SYNE1: variants seen among roughly 807,000 people sequenced by gnomAD.
SYNE1 encodes nesprin-1.
In SYNE1, 616 loss-of-function variants were observed where a neutral mutation model predicts 1,111.0. That is an observed-to-expected ratio of 0.55 (90% CI 0.52 to 0.59). SYNE1 has a LOEUF of 0.59. Ranked by LOEUF, SYNE1 falls within the 20% of genes least tolerant of loss-of-function variation. SYNE1 has a pLI of 0.00. For missense variants in SYNE1, 10,006 were observed against 10,417.0 expected, an observed-to-expected ratio of 0.96 and a Z score of 1.72; for synonymous variants, 3,855 against 3,825.8, an observed-to-expected ratio of 1.01 and a Z score of -0.28.
intron 119 of SYNE1, among the ~76,000 whole-genome samples, chr6:152,220,438 G>A (rs1048141493): frequency 6.6e-6 from 1 of 152,172 alleles, no homozygotes; most frequent in African/African-American, 2.4e-5. Context: ...TATCTTAGAT[G>A]AAACTATTGT....
chr6:152,339,241 CGTTTGCTCT>C lies in SYNE1; in HGVS notation c.12342_12350del (p.Glu4115_Thr4117del), dbSNP rs749906433. ...TCAATGTGATTTTTCATTTTCTTAC[CGTTTGCTCT>C]GTTTGTTGAATGTCTTTTGCTGTGG... is the stretch of plus-strand genomic sequence containing the variant. On this transcript the variant is annotated inframe_deletion and splice_region_variant, in exon 75 of 146. Coordinates refer to ENST00000367255, the MANE Select transcript of SYNE1 (RefSeq NM_182961.4). 22 of 1,613,340 alleles carry C rather than the reference CGTTTGCTCT, an allele frequency of 1.4e-5. No homozygotes were observed. Among genetic ancestry groups the C allele is most frequent in the African/African-American group, 8.0e-5 (6 of 75,014 alleles).
intron 66 of SYNE1, 83 bp from the exon 67 acceptor site, chr6:152,355,059 G>T (rs548635206): frequency 1.3e-6 from 2 of 1,482,788 alleles, no homozygotes; most frequent in South Asian, 1.1e-5. Context: ...AGCCAACTGT[G>T]CCCACTTGAA....
At position 152,349,601 on chromosome 6, in the gene SYNE1, C is replaced by T. The variant is rs144657701; in HGVS notation, c.11901+567G>A. Among the ~76,000 whole-genome samples the T allele has an allele frequency of 3.1e-3, 472 of 152,256 alleles. 4 individuals carry two copies. Among genetic ancestry groups the T allele is most frequent in the African/African-American group, 0.011 (443 of 41,536 alleles). Reference sequence around the variant, plus strand: ...CAGCAATGTGTTCAGAAGTTCAACGCGAGGATTCAACTCTTCTTGATTCAC... The same window carrying T: ...CAGCAATGTGTTCAGAAGTTCAACGTGAGGATTCAACTCTTCTTGATTCAC... On this transcript the variant is annotated intron_variant, in intron 72 of 145. Coordinates refer to ENST00000367255, the MANE Select transcript of SYNE1 (RefSeq NM_182961.4).
chr6:152,162,678 G>GT (rs1041385844), intron 131 of SYNE1, among the ~76,000 whole-genome samples: 50 of 152,094 alleles, frequency 3.3e-4, no homozygotes, highest in African/African-American at 3.1e-4. Flanking sequence ...CTTGCTAACA[G>GT]TTTTTTTAAA....
chr6:152,127,142 G>A (rs1163985814), intron 145 of SYNE1: 2 of 152,088 alleles, frequency 1.3e-5, no homozygotes, highest in Non-Finnish European at 2.9e-5. Context: ...TAAACTACCT[G>A]AGGCAGCCTG....
At position 152,197,112 on chromosome 6, in the gene SYNE1, G is replaced by A. The variant is rs9478300; in HGVS notation, c.23145+4712C>T. ...CTCGATATGCACAGATGCTCTCTCC[G>A]TGCCATGTGGCTGCTGCTGGGGCAC... On this transcript the variant is annotated intron_variant, in intron 127 of 145. Transcript: ENST00000367255. 9.3e-3 allele frequency among the ~76,000 whole-genome samples: 1,417 copies of A among 152,276 alleles called. 25 individuals carry two copies. Among genetic ancestry groups the A allele is most frequent in the African/African-American group, 0.032 (1,332 of 41,546 alleles).
At chr6:152,558,673 G>A (rs551429567) in intron 3 of SYNE1, among the ~76,000 whole-genome samples, 22 of 151,954 alleles carry the variant, frequency 1.4e-4, no homozygotes, top group South Asian at 4.1e-4. Flanking sequence ...ACCCAACATC[G>A]GAGCACCTAA....
At chr6:152,373,528 C>T (rs962296363) in intron 58 of SYNE1, among the ~76,000 whole-genome samples, 3 of 152,116 alleles carry the variant, frequency 2.0e-5, no homozygotes, top group African/African-American at 7.2e-5. Flanking sequence ...GATCTGCCCA[C>T]CTTGGCATCC....
intron 2 of SYNE1, among the ~76,000 whole-genome samples, chr6:152,633,010 T>A (rs1406591107): frequency 6.6e-6 from 1 of 152,168 alleles, no homozygotes; most frequent in Non-Finnish European, 1.5e-5. Context: ...TGCAAGGTCA[T>A]GAGATCCTCC....
chr6:152,429,348 A>G (rs1208733820), intron 36 of SYNE1, among the ~76,000 whole-genome samples: 1 of 152,166 alleles, frequency 6.6e-6, no homozygotes, highest in Non-Finnish European at 1.5e-5. Flanking sequence ...CTATAAAAAT[A>G]ATTTCATCAC....
intron 49 of SYNE1, among the ~76,000 whole-genome samples, chr6:152,398,142 G>C (rs981792307): frequency 6.6e-6 from 1 of 152,020 alleles, no homozygotes; most frequent in Admixed American, 6.6e-5. Flanking sequence ...CTTCACCATG[G>C]CCTTCTCCTT....
At chr6:152,503,646 T>C (rs751683105) in intron 9 of SYNE1, among the ~76,000 whole-genome samples, 43 of 152,314 alleles carry the variant, frequency 2.8e-4, no homozygotes, top group Admixed American at 2.0e-3. Context: ...AAAAGTTCTT[T>C]TTGATTAGAG....
chr6:152,224,419 A>T lies in SYNE1; in HGVS notation c.21522+75T>A, dbSNP rs537630063. 3.0e-5 allele frequency: 37 copies of T among 1,254,034 alleles called. No homozygotes were observed. In the East Asian group the frequency reaches 7.7e-4, roughly 26 times the overall value. 77.7% of individuals were successfully genotyped at this position (1,254,034 alleles called of 1,614,324 possible). A position where few individuals can be genotyped will look rare whatever the true frequency, so the allele number is the denominator to read the frequency against. ...CAACATATGGCAATATTTCAGGATGATGTCTCCATTTGGTAATTTTTCAGT... is the reference window on the plus strand; with the variant it reads ...CAACATATGGCAATATTTCAGGATGTTGTCTCCATTTGGTAATTTTTCAGT... On this transcript the variant is annotated intron_variant, in intron 117 of 145. Transcript: ENST00000367255.
chr6:152,254,215 T>TTTCTATATTCCA (rs2090246406), intron 104 of SYNE1, among the ~76,000 whole-genome samples: 1 of 151,164 alleles, frequency 6.6e-6, no homozygotes, highest in African/African-American at 2.4e-5. Flanking sequence ...TCTATGGCCC[T>TTTCTATATTCCA]TTCTATATTC....
chr6:152,451,635 C>A (rs1489535286), intron 25 of SYNE1, among the ~76,000 whole-genome samples: 1 of 151,746 alleles, frequency 6.6e-6, no homozygotes, highest in African/African-American at 2.4e-5. Context: ...GGCAGCACCA[C>A]CATGCCCAGC....
At position 152,555,424 on chromosome 6, in the gene SYNE1, T is replaced by C. The variant is rs1218988709; in HGVS notation, c.68-15403A>G. On this transcript the variant is annotated intron_variant, in intron 3 of 145. Transcript: ENST00000367255. ...TACAGTGTTCAGTACAGTAAAATGC[T>C]ATTCAGGTTGATAGCCTAGGAGTAA... Among the ~76,000 whole-genome samples the C allele has an allele frequency of 2.6e-5, 4 of 152,226 alleles. No homozygotes were observed. The East Asian group carries it at 5.8e-4, about 22-fold the overall frequency.
chr6:152,277,696 A>G, intron 98 of SYNE1: 1 of 238,994 alleles, frequency 4.2e-6, no homozygotes, highest in South Asian at 6.0e-5. Flanking sequence ...ATGAATGTAA[A>G]AGAAAAAAAG....
intron 3 of SYNE1, among the ~76,000 whole-genome samples, chr6:152,581,484 G>C (rs1422801836): frequency 6.6e-6 from 1 of 152,168 alleles, no homozygotes; most frequent in Non-Finnish European, 1.5e-5. Flanking sequence ...CTTCAGAGTA[G>C]GAAAATAACC....
In SYNE1 at chr6:152,244,553, T is replaced by C. The variant is rs2086610280; in HGVS notation, c.19676A>G (p.Glu6559Gly). The C allele has an allele frequency of 6.2e-7, 1 of 1,614,076 alleles. No individual in the cohort carries two copies. The highest frequency in any genetic ancestry group is 1.1e-5 in the South Asian group (1 of 91,080). The change falls in exon 106 of 146, where the codon GAA (glutamate) becomes GGA (glycine). Residue 6559 changes from glutamate to glycine, a missense_variant. Coordinates refer to ENST00000367255, the MANE Select transcript of SYNE1 (RefSeq NM_182961.4). ...AGGCTGCACCTGGAGCTTGGAGAGT[T>C]CTTGCATGGACGGCTGCTCGACCTG... ...KLQVEQPSMQ[E>G]LSKLQDMYDE...
Sources: allele counts gnomAD v4.1 joint callset (sites outside exome capture counted in the v4.1 genomes callset), GRCh38; gene constraint gnomAD v4.1.1; transcripts MANE v1.5; gene names NCBI Gene and HGNC (gene_info 2026-07-23, HGNC 2026-07-21).